The following SLC1A7 variants were observed in gnomAD, a reference collection of about 807,000 sequenced individuals.
SLC1A7 encodes the protein excitatory amino acid transporter 5.
Under a neutral mutation model 47.7 loss-of-function variants are expected in SLC1A7, and 40 were observed. That is an observed-to-expected ratio of 0.84 (90% CI 0.65 to 1.09). The LOEUF (loss-of-function observed/expected upper bound fraction) is 1.09, where lower values mean the gene tolerates loss of function less well. Ranked by LOEUF, SLC1A7 falls within the 50% of genes least tolerant of loss-of-function variation. SLC1A7 has a pLI of 0.00. For missense variants in SLC1A7, 746 were observed against 769.5 expected (o/e 0.97, Z 0.36); for synonymous variants, 323 against 325.6 (o/e 0.99, Z 0.09).
chr1:53,130,746 C>T (rs556380279), intron 2 of SLC1A7, among the ~76,000 whole-genome samples: 1 of 152,126 alleles, frequency 6.6e-6, no homozygotes, highest in African/African-American at 2.4e-5. Flanking sequence ...CAGGGTCAGG[C>T]CTGACATCTG....
intron 7 of SLC1A7, among the ~76,000 whole-genome samples, chr1:53,091,349 C>T (rs1014981616): frequency 6.6e-6 from 1 of 152,158 alleles, no homozygotes; most frequent in East Asian, 1.9e-4. Context: ...TAAAACAGGC[C>T]GGTGTGGCCC....
intron 3 of SLC1A7, among the ~76,000 whole-genome samples, chr1:53,107,640 G>A (rs954516767): frequency 3.3e-5 from 5 of 152,306 alleles, no homozygotes; most frequent in East Asian, 1.9e-4. Context: ...GAGAGACTGC[G>A]TGACCAAGCA....
At chr1:53,124,249 A>AACACACACACACACACACACACAC (rs67205575) in intron 2 of SLC1A7, among the ~76,000 whole-genome samples, 1 of 6,966 alleles carries the variant, frequency 1.4e-4, no homozygotes, top group African/African-American at 1.5e-4. Flanking sequence ...ATACATACAC[A>AACACACACACACACACACACACAC]ACACACACAC....
In SLC1A7 at chr1:53,089,000, G is replaced by T. The variant is rs775461812; in HGVS notation, c.1362-21C>A. The T allele has an allele frequency of 4.4e-6, 7 of 1,597,936 alleles. No homozygotes were observed. In the South Asian group the frequency reaches 4.4e-5, roughly 10 times the overall value. ...GGTCCCTGGTGAGCCAAGGTTGGGG[G>T]TGAGTGGTGGGCACTTGAAGGGGAG... On this transcript the variant is annotated intron_variant, in intron 9 of 10. Transcript: ENST00000371494.
rs539489748 is a variant in SLC1A7, at chr1:53,087,797, G to T, written c.*212C>A. On this transcript the variant is annotated 3_prime_UTR_variant, in exon 11 of 11. Coordinates refer to ENST00000371494, the MANE Select transcript of SLC1A7 (RefSeq NM_006671.6). ...TCACAGCGGGGCCTCAGGCAATGCC[G>T]GGCCCATCACTCCCTAGATGGGGCT... The T allele has an allele frequency of 3.7e-5, 14 of 379,252 alleles. No individual in the cohort carries two copies. The highest frequency in any genetic ancestry group is 2.7e-4 in the Admixed American group (6 of 22,132). The allele number at this position is 379,252 out of a possible 1,614,324, so 23.5% of individuals were successfully genotyped here.
At chr1:53,113,231 C>T (rs1198259744) in intron 3 of SLC1A7, among the ~76,000 whole-genome samples, 1 of 152,102 alleles carries the variant, frequency 6.6e-6, no homozygotes, top group African/African-American at 2.4e-5. Context: ...GCCCAGCACA[C>T]CATTCCTGGG....
intron 2 of SLC1A7, among the ~76,000 whole-genome samples, chr1:53,120,208 C>T (rs1272614150): frequency 6.6e-6 from 1 of 152,134 alleles, no homozygotes; most frequent in Non-Finnish European, 1.5e-5. Context: ...GCTGACTGAC[C>T]CTCCCCTGGT....
intron 2 of SLC1A7, among the ~76,000 whole-genome samples, chr1:53,123,114 C>G (rs1644842743): frequency 6.6e-6 from 1 of 152,216 alleles, no homozygotes; most frequent in South Asian, 2.1e-4. Context: ...GCCCTCAGAG[C>G]TCACTGTCAG....
intron 1 of SLC1A7, among the ~76,000 whole-genome samples, chr1:53,135,838 T>C (rs1557692670): frequency 6.6e-6 from 1 of 152,182 alleles, no homozygotes; most frequent in African/African-American, 2.4e-5. Flanking sequence ...GGCAGGCAAA[T>C]GGACTTTCAA....
Position 53,124,648 on chromosome 1 carries a change from C to T in SLC1A7, c.216-9675G>A, listed in dbSNP as rs1269735007. 2.6e-5 allele frequency among the ~76,000 whole-genome samples: 4 copies of T among 152,160 alleles called. No individual in the cohort carries two copies. In the South Asian group the frequency reaches 6.2e-4, roughly 24 times the overall value. On this transcript the variant is annotated intron_variant, in intron 2 of 10. Coordinates refer to ENST00000371494, the MANE Select transcript of SLC1A7 (RefSeq NM_006671.6). ...ATAATGGGCCACACACACAAACACA[C>T]ATGGGCACACAAACACACACACAGA...
chr1:53,094,150 G>A (rs544921931), intron 5 of SLC1A7, among the ~76,000 whole-genome samples: 1 of 152,334 alleles, frequency 6.6e-6, no homozygotes, highest in South Asian at 2.1e-4. Flanking sequence ...TAACTGTCTG[G>A]GTTTTTTCCC....
At chr1:53,092,016 C>A (rs988662588) in intron 7 of SLC1A7, among the ~76,000 whole-genome samples, 12 of 152,218 alleles carry the variant, frequency 7.9e-5, no homozygotes, top group Non-Finnish European at 1.5e-5. Flanking sequence ...TCCACTGCAA[C>A]CCTGTGAGCT....
chr1:53,090,953 C>A (rs74084148), intron 7 of SLC1A7, 147 bp from the exon 8 acceptor site: 3 of 1,523,706 alleles, frequency 2.0e-6, no homozygotes, highest in Non-Finnish European at 2.6e-6. Flanking sequence ...GTAAGGACCG[C>A]GGGCACTGCA....
chr1:53,092,593 AT>A lies in SLC1A7; in HGVS notation c.991del (p.Ile331SerfsTer130). ...KKNPIVFIRG[I>X]LQALLIALAT... is the part of the protein sequence containing the mutation. ...CAGCGCGATGAGCAGAGCCTGCAGG[AT>A]GCCACGGATGAAGACGATGGGATTC... On this transcript the variant is annotated frameshift_variant, in exon 7 of 11. Transcript: ENST00000371494. LOFTEE classifies it high-confidence loss of function. The A allele has an allele frequency of 6.2e-7, 1 of 1,614,188 alleles. No homozygotes were observed. Among genetic ancestry groups the A allele is most frequent in the Admixed American group, 1.7e-5 (1 of 60,024 alleles).
intron 1 of SLC1A7, among the ~76,000 whole-genome samples, chr1:53,137,469 A>G (rs1645013835): frequency 6.6e-6 from 1 of 152,052 alleles, no homozygotes. Context: ...ACATCTATCA[A>G]TTTCCCTGCC....
intron 2 of SLC1A7, among the ~76,000 whole-genome samples, chr1:53,121,244 G>A (rs1176764101): frequency 6.6e-6 from 1 of 152,190 alleles, no homozygotes; most frequent in East Asian, 1.9e-4. Flanking sequence ...GCTGAACCAG[G>A]GTGACATTCT....
At chr1:53,099,026 ACACT>A (rs1399014434) in intron 5 of SLC1A7, among the ~76,000 whole-genome samples, 2 of 147,248 alleles carry the variant, frequency 1.4e-5, no homozygotes, top group African/African-American at 5.1e-5. Flanking sequence ...CTGCCTCAAA[ACACT>A]CACACCCTGC....
chr1:53,105,752 C>A lies in SLC1A7; in HGVS notation c.454G>T (p.Val152Leu). 2 of 1,613,570 alleles carry A rather than the reference C, an allele frequency of 1.2e-6. No individual in the cohort carries two copies. Among genetic ancestry groups the A allele is most frequent in the South Asian group, 2.2e-5 (2 of 91,056 alleles). ...CTCACCTGTTTGAATGTGGCTTCTA[C>A]TAGGTTGGCTGGGAACATGTTCCTA... is the stretch of plus-strand genomic sequence containing the variant. ...LIRNMFPANL[V>L]EATFKQYRTK... Residue 152 changes from valine to leucine, a missense_variant, in exon 4 of 11, where the codon GTA becomes TTA. Transcript: ENST00000371494.
chr1:53,136,594 A>AATATATAAACATATATT (rs1644998792), intron 1 of SLC1A7, among the ~76,000 whole-genome samples: 3 of 128,544 alleles, frequency 2.3e-5, no homozygotes, highest in Non-Finnish European at 5.0e-5. Flanking sequence ...AAACATATAT[A>AATATATAAACATATATT]ATATATAAAC....
Sources: allele counts gnomAD v4.1 joint callset (sites outside exome capture counted in the v4.1 genomes callset), GRCh38; gene constraint gnomAD v4.1.1; transcripts MANE v1.5; gene names NCBI Gene and HGNC (gene_info 2026-07-23, HGNC 2026-07-21).